Variants in CTNNA2 observed in about 807,000 individuals in gnomAD.
The protein encoded by CTNNA2 is catenin alpha 2.
Under a neutral mutation model 101.0 loss-of-function variants are expected in CTNNA2, and 42 were observed. That is an observed-to-expected ratio of 0.42 (90% CI 0.32 to 0.54). CTNNA2 has a LOEUF of 0.54. Among genes scored for constraint, CTNNA2 ranks in the 20% least tolerant of loss-of-function variants. The probability of loss-of-function intolerance (pLI) is 0.14; values close to 1 mark genes in which losing one functional copy is unlikely to be tolerated. For synonymous variants in CTNNA2, 450 were observed against 456.4 expected, an observed-to-expected ratio of 0.99 and a Z score of 0.18; for missense variants, 871 against 1,223.1, an observed-to-expected ratio of 0.71 and a Z score of 4.29.
chr2:79,312,063 T>C (rs1676387307), intron 2 of CTNNA2, among the ~76,000 whole-genome samples: 1 of 150,356 alleles, frequency 6.7e-6, no homozygotes, highest in South Asian at 2.1e-4. Flanking sequence ...CTACCATGCA[T>C]GGCTGTTTAA....
chr2:80,102,861 G>A (rs1316357106), intron 7 of CTNNA2, among the ~76,000 whole-genome samples: 1 of 152,166 alleles, frequency 6.6e-6, no homozygotes, highest in Non-Finnish European at 1.5e-5. Context: ...GGGACGATGG[G>A]ATAAAAGGGT....
chr2:79,310,598 G>T (rs1010134333), intron 2 of CTNNA2, among the ~76,000 whole-genome samples: 2 of 152,172 alleles, frequency 1.3e-5, no homozygotes, highest in Non-Finnish European at 2.9e-5. Context: ...TGAGGAGAAG[G>T]ATTTAAAGAA....
chr2:79,876,938 G>A (rs1007769499), intron 6 of CTNNA2, among the ~76,000 whole-genome samples: 6 of 151,706 alleles, frequency 4.0e-5, no homozygotes, highest in Non-Finnish European at 7.4e-5. Flanking sequence ...TATAAAACAT[G>A]ATATATTTGA....
chr2:80,179,582 C>T (rs1025558776), intron 7 of CTNNA2, among the ~76,000 whole-genome samples: 1 of 152,072 alleles, frequency 6.6e-6, no homozygotes, highest in Non-Finnish European at 1.5e-5. Flanking sequence ...ACCGTGTTAG[C>T]CAGGATGGTC....
intron 2 of CTNNA2, among the ~76,000 whole-genome samples, chr2:79,298,560 A>G (rs574462023): frequency 6.6e-6 from 1 of 152,258 alleles, no homozygotes; most frequent in East Asian, 1.9e-4. Context: ...TCTCTTCAGG[A>G]GTCTCCTTCC....
At chr2:79,665,984 C>T (rs966010652) in intron 2 of CTNNA2, among the ~76,000 whole-genome samples, 20 of 152,116 alleles carry the variant, frequency 1.3e-4, no homozygotes, top group Admixed American at 8.5e-4. Context: ...TTATTTAACA[C>T]GAACTCCCAG....
upstream of CTNNA2, among the ~76,000 whole-genome samples, chr2:79,511,827 A>C (rs1671551286): frequency 1.3e-5 from 2 of 152,106 alleles, no homozygotes; most frequent in South Asian, 4.1e-4. Flanking sequence ...ATGAAGGAGA[A>C]TTTAAAAAAT....
At chr2:80,066,267 A>T (rs1013459308) in intron 7 of CTNNA2, among the ~76,000 whole-genome samples, 1 of 152,240 alleles carries the variant, frequency 6.6e-6, no homozygotes, top group Non-Finnish European at 1.5e-5. Flanking sequence ...AACAAGCAAC[A>T]GATTGAAGAG....
intron 2 of CTNNA2, among the ~76,000 whole-genome samples, chr2:79,695,167 G>C (rs1182962699): frequency 6.6e-6 from 1 of 151,632 alleles, no homozygotes; most frequent in East Asian, 1.9e-4. Flanking sequence ...TGTTTGGAAG[G>C]TCATGGATTT....
At chr2:79,781,815 A>G (rs1283528910) in intron 3 of CTNNA2, among the ~76,000 whole-genome samples, 1 of 152,202 alleles carries the variant, frequency 6.6e-6, no homozygotes, top group African/African-American at 2.4e-5. Context: ...AAAGCAAAAC[A>G]CACAAGTAGT....
At chr2:79,646,430 C>G (rs1680820090) in intron 1 of CTNNA2, among the ~76,000 whole-genome samples, 1 of 152,016 alleles carries the variant, frequency 6.6e-6, no homozygotes, top group African/African-American at 2.4e-5. Flanking sequence ...TCTTTCTTAC[C>G]ACCACAGAAA....
At chr2:79,965,463 G>T (rs1689973859) in intron 7 of CTNNA2, among the ~76,000 whole-genome samples, 1 of 152,042 alleles carries the variant, frequency 6.6e-6, no homozygotes, top group African/African-American at 2.4e-5. Context: ...ACAGACTTTA[G>T]TCTCTAAGTA....
At chr2:80,043,164 TCC>T (rs1696280497) in intron 7 of CTNNA2, among the ~76,000 whole-genome samples, 1 of 102,904 alleles carries the variant, frequency 9.7e-6, no homozygotes, top group Non-Finnish European at 1.9e-5. Flanking sequence ...CTTCCTTCCT[TCC>T]TTCCTTCCTT....
At chr2:79,949,149 T>C (rs1574386717) in intron 7 of CTNNA2, among the ~76,000 whole-genome samples, 1 of 152,154 alleles carries the variant, frequency 6.6e-6, no homozygotes, top group East Asian at 1.9e-4. Flanking sequence ...AGAAACAGTA[T>C]ACACAATTTA....
At chr2:80,591,913 C>T (rs1490728840) in intron 15 of CTNNA2, among the ~76,000 whole-genome samples, 1 of 152,118 alleles carries the variant, frequency 6.6e-6, no homozygotes, top group Non-Finnish European at 1.5e-5. Flanking sequence ...TTTTCCCACT[C>T]AGTTCTTGAC....
intron 7 of CTNNA2, among the ~76,000 whole-genome samples, chr2:80,031,427 T>TCTTA (rs1204719349): frequency 6.6e-6 from 1 of 152,156 alleles, no homozygotes; most frequent in African/African-American, 2.4e-5. Flanking sequence ...GCAAGTCACG[T>TCTTA]CTTACATTGA....
intron 2 of CTNNA2, among the ~76,000 whole-genome samples, chr2:79,690,077 C>G (rs6728136): frequency 6.6e-6 from 1 of 151,856 alleles, no homozygotes; most frequent in Non-Finnish European, 1.5e-5. Flanking sequence ...TGATGAAAGC[C>G]ATTAAGCCAC....
chr2:80,553,273 A>G (rs574305870), intron 11 of CTNNA2, among the ~76,000 whole-genome samples: 1 of 152,046 alleles, frequency 6.6e-6, no homozygotes. Context: ...TTAGTAAATT[A>G]TAAAACTAAT....
intron 7 of CTNNA2, among the ~76,000 whole-genome samples, chr2:79,964,592 C>T (rs535859491): frequency 2.0e-5 from 3 of 152,208 alleles, no homozygotes; most frequent in East Asian, 1.9e-4. Flanking sequence ...TGCCTTATTC[C>T]GTGATTTCCT....
Sources: gnomAD v4.1 joint callset for allele counts (sites outside exome capture counted in the v4.1 genomes callset) on GRCh38, gnomAD v4.1.1 for gene constraint, MANE v1.5 for transcripts, NCBI Gene and HGNC (gene_info 2026-07-23, HGNC 2026-07-21) for gene names.